The following PIK3C2G variants were observed in gnomAD, a reference collection of about 807,000 sequenced individuals.
PIK3C2G encodes phosphatidylinositol 3-kinase C2 domain-containing subunit gamma.
A neutral mutation model predicts 181.1 loss-of-function variants in PIK3C2G; 168 were observed. The observed-to-expected ratio is 0.93, with a 90% CI of 0.82 to 1.05. The LOEUF (loss-of-function observed/expected upper bound fraction) is 1.05, where lower values mean the gene tolerates loss of function less well. Among genes scored for constraint, PIK3C2G ranks in the 50% least tolerant of loss-of-function variants. The pLI, the probability that PIK3C2G is intolerant of heterozygous loss-of-function variation, is 0.00. For synonymous variants in PIK3C2G, 573 were observed against 592.2 expected, an observed-to-expected ratio of 0.97 and a Z score of 0.47; for missense variants, 1,869 against 1,732.8, an observed-to-expected ratio of 1.08 and a Z score of -1.40.
At chr12:18,333,660 C>A (rs1938212577) in intron 8 of PIK3C2G, among the ~76,000 whole-genome samples, 1 of 152,162 alleles carries the variant, frequency 6.6e-6, no homozygotes, top group Admixed American at 6.6e-5. Flanking sequence ...CATTTCAAAG[C>A]TGTTTTTAAT....
chr12:18,392,042 G>A (rs370062695), intron 15 of PIK3C2G, among the ~76,000 whole-genome samples: 13 of 152,214 alleles, frequency 8.5e-5, no homozygotes, highest in African/African-American at 3.1e-4. Context: ...GATTGGAGTG[G>A]ACGTGACAGT....
At chr12:18,377,550 A>T (rs1485453621) in intron 13 of PIK3C2G, among the ~76,000 whole-genome samples, 1 of 152,108 alleles carries the variant, frequency 6.6e-6, no homozygotes, top group Non-Finnish European at 1.5e-5. Flanking sequence ...CACCAGCAGA[A>T]CCTCAAAGCT....
intron 18 of PIK3C2G, among the ~76,000 whole-genome samples, chr12:18,468,356 C>A (rs1938122056): frequency 6.6e-6 from 1 of 151,928 alleles, no homozygotes; most frequent in Non-Finnish European, 1.5e-5. Flanking sequence ...TGGTGGCCAC[C>A]CTCTTGCAAG....
At chr12:18,394,159 T>C (rs1302187106) in intron 15 of PIK3C2G, among the ~76,000 whole-genome samples, 2 of 151,988 alleles carry the variant, frequency 1.3e-5, no homozygotes, top group Non-Finnish European at 2.9e-5. Flanking sequence ...TTACATTTAA[T>C]AAAGAAACCA....
At chr12:18,294,905 T>A (rs561994574) in intron 5 of PIK3C2G, among the ~76,000 whole-genome samples, 1 of 151,994 alleles carries the variant, frequency 6.6e-6, no homozygotes, top group African/African-American at 2.4e-5. Context: ...ATCATGAATG[T>A]GCTTGAAATT....
chr12:18,690,100 T>C, the PIK3C2G span, among the ~76,000 whole-genome samples: 2 of 152,168 alleles, frequency 1.3e-5, no homozygotes, highest in Non-Finnish European at 2.9e-5. Flanking sequence ...ACATATGTTC[T>C]CTTTACTATT....
rs117632807 is a variant in PIK3C2G, at chr12:18,275,867, C to T, written c.-78-6137C>T. Among the ~76,000 whole-genome samples, 254 of 152,276 alleles carry T rather than the reference C, an allele frequency of 1.7e-3. 1 individual carries two copies. The highest frequency in any genetic ancestry group is 3.0e-3 in the Non-Finnish European group (206 of 68,036). On this transcript the variant is annotated intron_variant, in intron 1 of 32. Coordinates refer to ENST00000538779, the MANE Select transcript of PIK3C2G (RefSeq NM_001288772.2). ...TTCTATTCTTGAAATCTTACCCACTCACTTTGACACACTGAAATCTTCTTT... is the reference window on the plus strand; with the variant it reads ...TTCTATTCTTGAAATCTTACCCACTTACTTTGACACACTGAAATCTTCTTT...
At chr12:18,358,931 G>A (rs538594689) in intron 11 of PIK3C2G, 29 of 160,342 alleles carry the variant, frequency 1.8e-4, no homozygotes, top group Non-Finnish European at 3.4e-4. Flanking sequence ...CTGCAGACCA[G>A]CTCAACTGCC....
the PIK3C2G span, chr12:18,712,985 C>T: frequency 1.2e-6 from 2 of 1,613,816 alleles, no homozygotes; most frequent in African/African-American, 1.3e-5. Flanking sequence ...TTCACAAGGG[C>T]ACTAGCAAAA....
the PIK3C2G span, among the ~76,000 whole-genome samples, chr12:18,672,692 C>T: frequency 3.9e-5 from 6 of 152,142 alleles, no homozygotes; most frequent in Admixed American, 3.9e-4. Context: ...CATTAAGGAA[C>T]ATGACCATCC....
chr12:18,704,592 G>T, the PIK3C2G span, among the ~76,000 whole-genome samples: 60 of 152,208 alleles, frequency 3.9e-4, no homozygotes, highest in Middle Eastern at 6.8e-3. Context: ...CTCCCAAGGT[G>T]CTGGGATTAC....
chr12:18,317,964 A>G (rs1161701405), intron 6 of PIK3C2G, among the ~76,000 whole-genome samples: 1 of 152,366 alleles, frequency 6.6e-6, no homozygotes, highest in East Asian at 1.9e-4. Flanking sequence ...GTAGCTATTG[A>G]CGTCATAAAA....
chr12:18,458,807 C>T (rs1026508581), intron 18 of PIK3C2G, among the ~76,000 whole-genome samples: 24 of 148,942 alleles, frequency 1.6e-4, no homozygotes, highest in Admixed American at 9.5e-4. Context: ...GCAAGCATGA[C>T]GATGGCTTCT....
chr12:18,521,623 G>A (rs73064262), intron 24 of PIK3C2G, among the ~76,000 whole-genome samples: 4,004 of 152,254 alleles, frequency 0.026, 61 homozygotes, highest in Middle Eastern at 0.061. Context: ...GGGGTGGGGG[G>A]TTAGGAAGGG....
chr12:18,321,016 AT>A lies in PIK3C2G; in HGVS notation c.1195del (p.Trp399GlyfsTer9). ...YLNQLLEFMH[I>X]WKVSRQCLLT... ...GAATCAACTTCTAGAATTTATGCAT[AT>A]TTGGAAAGTATCCAGGTAAGATATT... On this transcript the variant is annotated frameshift_variant, in exon 7 of 33. Transcript: ENST00000538779. LOFTEE classifies it high-confidence loss of function. 1 of 1,547,056 alleles carries A rather than the reference AT, an allele frequency of 6.5e-7. No homozygotes were observed. Among genetic ancestry groups the A allele is most frequent in the Non-Finnish European group, 8.9e-7 (1 of 1,124,122 alleles).
At position 18,474,436 on chromosome 12, in the gene PIK3C2G, G is replaced by A. The variant is rs77030209; in HGVS notation, c.2505-14013G>A. ...CAGAATTTACCATGTAAAAACAGGA[G>A]ACTTTCTCTTGCTGAATTCCCTATT... On this transcript the variant is annotated intron_variant, in intron 18 of 32. Transcript: ENST00000538779. 7.1e-3 allele frequency among the ~76,000 whole-genome samples: 1,077 copies of A among 152,250 alleles called. 6 individuals carry two copies. The highest frequency in any genetic ancestry group is 0.019 in the African/African-American group (793 of 41,556).
the PIK3C2G span, chr12:18,688,080 G>A: frequency 6.2e-7 from 1 of 1,610,058 alleles, no homozygotes; most frequent in South Asian, 1.1e-5. Context: ...AGGTATATCA[G>A]GAGCTCACCA....
intron 17 of PIK3C2G, among the ~76,000 whole-genome samples, chr12:18,423,626 A>C (rs1945614225): frequency 6.6e-6 from 1 of 152,132 alleles, no homozygotes; most frequent in Admixed American, 6.5e-5. Context: ...GTGGCTTAAT[A>C]ATATTGTATT....
At chr12:18,516,545 T>A (rs1417119391) in intron 24 of PIK3C2G, among the ~76,000 whole-genome samples, 1 of 152,088 alleles carries the variant, frequency 6.6e-6, no homozygotes, top group Non-Finnish European at 1.5e-5. Context: ...AGACATTATA[T>A]CCTTAAATAT....
Sources: allele counts gnomAD v4.1 joint callset (sites outside exome capture counted in the v4.1 genomes callset), GRCh38; gene constraint gnomAD v4.1.1; transcripts MANE v1.5; gene names NCBI Gene and HGNC (gene_info 2026-07-23, HGNC 2026-07-21).